The following ADGRD1 variants were observed in gnomAD, a reference collection of about 807,000 sequenced individuals.
ADGRD1 encodes G-protein coupled receptor 133.
In ADGRD1, 77 loss-of-function variants were observed where a neutral mutation model predicts 113.4. The observed-to-expected ratio is 0.68, with a 90% CI of 0.57 to 0.82. ADGRD1 has a LOEUF of 0.82. Among genes scored for constraint, ADGRD1 ranks in the 40% least tolerant of loss-of-function variants. ADGRD1 has a pLI of 0.00. For synonymous variants in ADGRD1, 474 were observed against 475.0 expected, an observed-to-expected ratio of 1.00 and a Z score of 0.03; for missense variants, 1,036 against 1,139.1, an observed-to-expected ratio of 0.91 and a Z score of 1.30.
At chr12:130,996,680 A>G (rs867975380) in intron 8 of ADGRD1, among the ~76,000 whole-genome samples, 11,553 of 55,126 alleles carry the variant, frequency 0.21, 1,745 homozygotes, top group African/African-American at 0.35. Context: ...CCTCCCTCCC[A>G]GACGGGGCGG....
rs1279209630 is a variant in ADGRD1, at chr12:131,113,267, C to T, written c.2041+4390C>T. 2.0e-5 allele frequency among the ~76,000 whole-genome samples: 3 copies of T among 150,556 alleles called. No individual in the cohort carries two copies. The highest frequency in any genetic ancestry group is 1.3e-4 in the Admixed American group (2 of 15,118). On this transcript the variant is annotated intron_variant, in intron 18 of 24. Transcript: ENST00000261654. This position sits in a 1 kb window ranked among gnomAD's most constrained non-coding sequence, Gnocchi z 4.9. ...CTTTAAATGATTATGTTTTTTAAAA[C>T]TTTTTTTTTTCAGTGATAGCTGTCT...
chr12:131,036,435 AG>A (rs67392575), intron 13 of ADGRD1, among the ~76,000 whole-genome samples: 7,059 of 114,392 alleles, frequency 0.062, 1 homozygote, highest in African/African-American at 0.096. Flanking sequence ...TTACTGCTCC[AG>A]GTCTCACTCA....
At chr12:131,083,022 G>C (rs1886186275) in intron 14 of ADGRD1, among the ~76,000 whole-genome samples, 1 of 152,220 alleles carries the variant, frequency 6.6e-6, no homozygotes, top group Non-Finnish European at 1.5e-5. Context: ...GAGGCTGCTG[G>C]TGCGTGTTCC....
chr12:130,981,202 A>T (rs1300227025), intron 4 of ADGRD1: 1 of 152,198 alleles, frequency 6.6e-6, no homozygotes, highest in Non-Finnish European at 1.5e-5. Flanking sequence ...TCTGTTTGAA[A>T]ATTTCTTCAA....
At chr12:131,036,944 G>C (rs1881513226) in intron 13 of ADGRD1, among the ~76,000 whole-genome samples, 1 of 136,078 alleles carries the variant, frequency 7.3e-6, no homozygotes, top group Non-Finnish European at 1.6e-5. Flanking sequence ...TCACTGCACT[G>C]GGTCTCACTC....
intron 12 of ADGRD1, among the ~76,000 whole-genome samples, chr12:131,010,582 T>A (rs1877744176): frequency 6.6e-6 from 1 of 152,202 alleles, no homozygotes; most frequent in African/African-American, 2.4e-5. Context: ...TCATGTAACT[T>A]TAAGTCCCCT....
intron 12 of ADGRD1, among the ~76,000 whole-genome samples, chr12:131,008,901 T>G (rs981537324): frequency 6.6e-6 from 1 of 152,220 alleles, no homozygotes; most frequent in African/African-American, 2.4e-5. Flanking sequence ...TGGACCCGGC[T>G]CAGCGTGTGT....
chr12:131,096,666 G>A lies in ADGRD1; in HGVS notation c.1672-8165G>A, dbSNP rs1254634988. Among the ~76,000 whole-genome samples, 19 of 152,090 alleles carry A rather than the reference G, an allele frequency of 1.2e-4. No individual in the cohort carries two copies. The South Asian group carries it at 3.4e-3, about 27-fold the overall frequency. ...CCTCCATCTGTGAGGATGGGTTCCC[G>A]TGGGGCACTGCCGGTCCAGTTTTAT... is the stretch of plus-strand genomic sequence containing the variant. On this transcript the variant is annotated intron_variant, in intron 15 of 24. Coordinates refer to ENST00000261654, the MANE Select transcript of ADGRD1 (RefSeq NM_198827.5). The surrounding 1 kb of genome is among the most constrained non-coding windows in gnomAD (Gnocchi z 5.2).
Position 131,084,055 on chromosome 12 carries a change from G to C in ADGRD1, c.1548-485G>C, listed in dbSNP as rs777476052. 6.6e-6 allele frequency among the ~76,000 whole-genome samples: 1 copy of C among 152,168 alleles called. No individual in the cohort carries two copies. The highest frequency in any genetic ancestry group is 2.1e-4 in the South Asian group (1 of 4,826). On this transcript the variant is annotated intron_variant, in intron 14 of 24. Coordinates refer to ENST00000261654, the MANE Select transcript of ADGRD1 (RefSeq NM_198827.5). This position sits in a 1 kb window ranked among gnomAD's most constrained non-coding sequence, Gnocchi z 4.5. Reference sequence around the variant, plus strand: ...TTGGTCAAGGATGTTCTTTTTAACCGATGCGAGGTCTTTTATCATATTTCT... The same window carrying C: ...TTGGTCAAGGATGTTCTTTTTAACCCATGCGAGGTCTTTTATCATATTTCT...
At chr12:131,016,767 C>T (rs35209159) in intron 13 of ADGRD1, among the ~76,000 whole-genome samples, 12,035 of 152,298 alleles carry the variant, frequency 0.079, 643 homozygotes, top group Middle Eastern at 0.12. Flanking sequence ...GTGGCCCGAG[C>T]CTGTAATCCC....
At chr12:131,039,751 G>T (rs1413112913) in intron 13 of ADGRD1, among the ~76,000 whole-genome samples, 1 of 152,264 alleles carries the variant, frequency 6.6e-6, no homozygotes, top group Non-Finnish European at 1.5e-5. Flanking sequence ...CCAGGCTCAC[G>T]CTGGGAAAGG....
At chr12:130,962,997 A>G (rs1434052890) in intron 2 of ADGRD1, 1 of 152,240 alleles carries the variant, frequency 6.6e-6, no homozygotes, top group Non-Finnish European at 1.5e-5. Flanking sequence ...AGCAAGCCTT[A>G]AAATATTTCT....
chr12:131,005,985 C>T lies in ADGRD1; in HGVS notation c.1269C>T (p.Val423=), dbSNP rs942988158. Residue 423 remains valine, a synonymous_variant, in exon 12 of 25, where the codon GTC becomes GTT. Transcript: ENST00000261654. ...CTCTCTCTGCAGCCTGGAGCACCGT[C>T]GTGGGTCTGCTGTACCACAGCATGC... ...EAFHRHAWST[V]VGLLYHSMHY... 9 of 1,611,766 alleles carry T rather than the reference C, an allele frequency of 5.6e-6. No individual in the cohort carries two copies. The highest frequency in any genetic ancestry group is 4.0e-5 in the African/African-American group (3 of 75,036).
rs555626891 is a variant in ADGRD1, at chr12:130,984,914, T to A, written c.491-2181T>A. The stretch of plus-strand genomic sequence containing the variant: ...CTTCTCTTCTCTCTCTCTCTCACTC[T>A]CTCTCTCCTCTCTTCTCTCTTTCTC... On this transcript the variant is annotated intron_variant, in intron 5 of 24. Coordinates refer to ENST00000261654, the MANE Select transcript of ADGRD1 (RefSeq NM_198827.5). This position sits in a 1 kb window ranked among gnomAD's most constrained non-coding sequence, Gnocchi z 4.1. Among the ~76,000 whole-genome samples, 41 of 149,320 alleles carry A rather than the reference T, an allele frequency of 2.7e-4. No individual in the cohort carries two copies. The highest frequency in any genetic ancestry group is 5.5e-4 in the Non-Finnish European group (37 of 67,412).
chr12:131,014,412 G>A lies in ADGRD1; in HGVS notation c.1473+72G>A, dbSNP rs1878317910. On this transcript the variant is annotated intron_variant, in intron 13 of 24. Coordinates refer to ENST00000261654, the MANE Select transcript of ADGRD1 (RefSeq NM_198827.5). The stretch of plus-strand genomic sequence containing the variant: ...CACACTGAGGAATGCTGGGTTGTCT[G>A]TGTGCTTGCATAAAGAATCTCCAAC... 3 of 1,372,566 alleles carry A rather than the reference G, an allele frequency of 2.2e-6. No individual in the cohort carries two copies. In the Admixed American group the frequency reaches 6.0e-5, roughly 27 times the overall value. The allele number at this position is 1,372,566 out of a possible 1,614,324, so 85.0% of individuals were successfully genotyped here. A position where few individuals can be genotyped will look rare whatever the true frequency, so the allele number is the denominator to read the frequency against.
At chr12:131,053,690 G>A (rs534631630) in intron 13 of ADGRD1, among the ~76,000 whole-genome samples, 13 of 152,310 alleles carry the variant, frequency 8.5e-5, no homozygotes, top group Middle Eastern at 6.8e-3. Flanking sequence ...GTGGGAGGGC[G>A]GTAGTGTGCT....
At chr12:131,135,976 G>GT (rs1951070114) in intron 21 of ADGRD1, 61 bp from the exon 22 acceptor site, 3 of 1,597,894 alleles carry the variant, frequency 1.9e-6, no homozygotes, top group Non-Finnish European at 2.6e-6. Context: ...CTCGAGGGCA[G>GT]TCCTCACAGC....
In ADGRD1 at chr12:130,971,689, A is replaced by C; in HGVS notation, c.310+109A>C. 8.2e-7 allele frequency: 1 copy of C among 1,215,462 alleles called. No individual in the cohort carries two copies. Among genetic ancestry groups the C allele is most frequent in the Non-Finnish European group, 1.1e-6 (1 of 875,422 alleles). The allele number at this position is 1,215,462 out of a possible 1,614,324, so 75.3% of individuals were successfully genotyped here. A position where few individuals can be genotyped will look rare whatever the true frequency, so the allele number is the denominator to read the frequency against. On this transcript the variant is annotated intron_variant, in intron 4 of 24. Coordinates refer to ENST00000261654, the MANE Select transcript of ADGRD1 (RefSeq NM_198827.5). The surrounding 1 kb of genome is among the most constrained non-coding windows in gnomAD (Gnocchi z 4.2). ...ACCTGAGGTTCTCATCAATTGCAGAATGCGTGAGAATGTCAACGATGGATC... is the reference window on the plus strand; with the variant it reads ...ACCTGAGGTTCTCATCAATTGCAGACTGCGTGAGAATGTCAACGATGGATC...
chr12:131,048,233 G>A (rs1883035560), intron 13 of ADGRD1, among the ~76,000 whole-genome samples: 2 of 152,230 alleles, frequency 1.3e-5, no homozygotes, highest in Admixed American at 6.5e-5. Flanking sequence ...GGCCAGCAGT[G>A]CTTCTGACAC....
Sources: gnomAD v4.1 joint callset for allele counts (sites outside exome capture counted in the v4.1 genomes callset) on GRCh38, gnomAD v4.1.1 for gene constraint, Gnocchi (gnomAD v3.1) non-coding constraint, MANE v1.5 for transcripts, NCBI Gene and HGNC (gene_info 2026-07-23, HGNC 2026-07-21) for gene names.